SCML2: variants seen among roughly 807,000 people sequenced by gnomAD.
The protein encoded by SCML2 is Scm polycomb group protein like 2.
Under a neutral mutation model 48.4 loss-of-function variants are expected in SCML2, and 6 were observed. That is an observed-to-expected ratio of 0.12 (90% CI 0.07 to 0.24). The LOEUF (loss-of-function observed/expected upper bound fraction) is 0.24. SCML2 is among the 10% of genes least tolerant of loss of function. SCML2 has a pLI of 1.00. For missense variants in SCML2, 377 were observed against 528.2 expected (o/e 0.71, Z 2.81); for synonymous variants, 181 against 189.5 (o/e 0.95, Z 0.37).
At chrX:18,253,023 A>G (rs896049370) in intron 11 of SCML2, among the ~76,000 whole-genome samples, 14 of 111,841 alleles carry the variant, frequency 1.3e-4, no homozygotes, top group Non-Finnish European at 3.8e-5. Context: ...GCAAACACAC[A>G]AGCCACCTAA....
intron 5 of SCML2, among the ~76,000 whole-genome samples, chrX:18,320,802 C>T (rs1929290115): frequency 9.0e-6 from 1 of 111,472 alleles, no homozygotes; most frequent in African/African-American, 3.3e-5. Flanking sequence ...TTCCTCAGGG[C>T]CCCAGGCTTC....
intron 7 of SCML2, among the ~76,000 whole-genome samples, chrX:18,274,493 T>TCTAG (rs1475179759): frequency 1.8e-5 from 2 of 112,223 alleles, no homozygotes; most frequent in African/African-American, 6.5e-5. Context: ...TGATCCATAC[T>TCTAG]CTAGCCCATA....
chrX:18,274,587 T>C (rs1927567877), intron 7 of SCML2, among the ~76,000 whole-genome samples: 1 of 112,026 alleles, frequency 8.9e-6, no homozygotes, highest in Admixed American at 9.4e-5. Flanking sequence ...CATGCTAAAA[T>C]CTTAATTCCC....
At position 18,309,310 on chromosome X, in the gene SCML2, A is replaced by T. The variant is rs187815735; in HGVS notation, c.487-4095T>A. On this transcript the variant is annotated intron_variant, in intron 6 of 14. Coordinates refer to ENST00000251900, the MANE Select transcript of SCML2 (RefSeq NM_006089.3). ...TCCTGGTGAGGTTGCAGAGAAAAGAAAATACTTATACACTACTGGTTGGAA... is the reference window on the plus strand; with the variant it reads ...TCCTGGTGAGGTTGCAGAGAAAAGATAATACTTATACACTACTGGTTGGAA... Among the ~76,000 whole-genome samples the T allele has an allele frequency of 1.3e-3, 146 of 111,433 alleles. No individual in the cohort carries two copies. In the Middle Eastern group the frequency reaches 0.014, roughly 11 times the overall value.
intron 1 of SCML2, among the ~76,000 whole-genome samples, chrX:18,338,496 T>C (rs1370003842): frequency 9.5e-6 from 1 of 104,920 alleles, no homozygotes; most frequent in Non-Finnish European, 1.9e-5. Flanking sequence ...CTGTATGATC[T>C]CATTTACATG....
chrX:18,316,879 T>G (rs1234250838), intron 6 of SCML2, among the ~76,000 whole-genome samples: 1 of 112,304 alleles, frequency 8.9e-6, no homozygotes, highest in Non-Finnish European at 1.9e-5. Flanking sequence ...CATTGCACAC[T>G]CCTTAGGAGA....
At chrX:18,245,027 A>C (rs763162137) in intron 13 of SCML2, among the ~76,000 whole-genome samples, 5 of 112,076 alleles carry the variant, frequency 4.5e-5, no homozygotes, top group Admixed American at 9.5e-5. Context: ...GGACTGGCCC[A>C]GCCACTTTCT....
chrX:18,331,255 G>T, intron 2 of SCML2, among the ~76,000 whole-genome samples: 1 of 30,995 alleles, frequency 3.2e-5, no homozygotes, highest in Non-Finnish European at 4.8e-5. Flanking sequence ...GCGAGACTCC[G>T]TCTCAAAAAA....
At chrX:18,316,796 C>T (rs1420333594) in intron 6 of SCML2, among the ~76,000 whole-genome samples, 3 of 112,400 alleles carry the variant, frequency 2.7e-5, no homozygotes, top group Non-Finnish European at 5.6e-5. Flanking sequence ...TCAGCTCTGT[C>T]TCCTATCAAG....
At chrX:18,257,394 TTATAGA>T (rs1455217680) in intron 10 of SCML2, among the ~76,000 whole-genome samples, 2 of 111,761 alleles carry the variant, frequency 1.8e-5, no homozygotes, top group Admixed American at 1.9e-4. Flanking sequence ...TTAGAGCTTC[TTATAGA>T]TAAAATATAT....
At position 18,265,707 on chromosome X, in the gene SCML2, G is replaced by C; in HGVS notation, c.826C>G (p.Pro276Ala). 1.7e-6 allele frequency: 2 copies of C among 1,209,971 alleles called. No homozygotes were observed. The highest frequency in any genetic ancestry group is 3.5e-5 in the African/African-American group (2 of 57,715). The change falls in exon 8 of 15, where the codon CCA becomes GCA. Residue 276 changes from proline (P) to alanine (A), a missense_variant. Physicochemically the swap from Pro to Ala is conservative, Grantham distance 27. Transcript: ENST00000251900. The stretch of plus-strand genomic sequence containing the variant: ...CTTGATCTCCTGACCTGCTGTGTTG[G>C]TAATATTAGAGTAGTTTTCTGTGGA... ...QSPQKTTLIL[P>A]TQQVRRSSRI... is the part of the protein sequence containing the mutation.
chrX:18,299,734 C>CTTT (rs145767290), intron 7 of SCML2, among the ~76,000 whole-genome samples: 95 of 97,036 alleles, frequency 9.8e-4, no homozygotes, highest in African/African-American at 3.5e-3. Flanking sequence ...AAAGGGAACT[C>CTTT]TTTTTTTTTT....
At chrX:18,277,301 C>G (rs772493720) in intron 7 of SCML2, among the ~76,000 whole-genome samples, 2 of 111,793 alleles carry the variant, frequency 1.8e-5, no homozygotes, top group East Asian at 5.6e-4. Flanking sequence ...AACCTCCTGG[C>G]CTCAAGCAAT....
At chrX:18,261,790 C>G (rs1345629705) in intron 8 of SCML2, among the ~76,000 whole-genome samples, 1 of 109,383 alleles carries the variant, frequency 9.1e-6, no homozygotes, top group Admixed American at 9.6e-5. Context: ...AAAATATACA[C>G]ACATGTTAAT....
chrX:18,283,949 A>G (rs1441684811), intron 7 of SCML2, among the ~76,000 whole-genome samples: 2 of 112,164 alleles, frequency 1.8e-5, no homozygotes, highest in African/African-American at 6.5e-5. Context: ...TAAAATTCAT[A>G]CCGAACCAAA....
intron 11 of SCML2, among the ~76,000 whole-genome samples, chrX:18,256,394 G>A (rs1926843336): frequency 1.8e-5 from 2 of 111,630 alleles, no homozygotes; most frequent in African/African-American, 6.5e-5. Context: ...GGAGGTTGCA[G>A]TGAGCCGAGA....
At chrX:18,264,195 G>C (rs780007493) in intron 8 of SCML2, among the ~76,000 whole-genome samples, 2 of 111,128 alleles carry the variant, frequency 1.8e-5, no homozygotes, top group East Asian at 5.6e-4. Context: ...TTATCTAAAA[G>C]GTCTCTGGGT....
At chrX:18,315,402 T>A (rs115325752) in intron 6 of SCML2, among the ~76,000 whole-genome samples, 4,119 of 110,183 alleles carry the variant, frequency 0.037, 201 homozygotes, top group African/African-American at 0.13. Flanking sequence ...TTCAAAAGAG[T>A]TTTAAACAGG....
chrX:18,256,717 C>T (rs1926856327), intron 11 of SCML2, 131 bp downstream of exon 11: 6 of 459,669 alleles, frequency 1.3e-5, no homozygotes, highest in African/African-American at 5.0e-5. Flanking sequence ...TGAACAAAAA[C>T]AACTATATGT....
Sources: allele counts gnomAD v4.1 joint callset (sites outside exome capture counted in the v4.1 genomes callset), GRCh38; gene constraint gnomAD v4.1.1; transcripts MANE v1.5; gene names NCBI Gene and HGNC (gene_info 2026-07-23, HGNC 2026-07-21).